The following AKAP13 variants were observed in gnomAD, a reference collection of about 807,000 sequenced individuals.
AKAP13 encodes the protein A-kinase anchor protein 13.
AKAP13 carries 80 observed loss-of-function variants against 264.5 expected under a neutral mutation model. The ratio of observed to expected loss-of-function variants is 0.30; its 90% CI spans 0.25 to 0.36. AKAP13 has a LOEUF of 0.36. Ranked by LOEUF, AKAP13 falls within the 10% of genes least tolerant of loss-of-function variation. The probability of loss-of-function intolerance (pLI) is 1.00; values close to 1 mark genes in which losing one functional copy is unlikely to be tolerated. For synonymous variants in AKAP13, 1,380 were observed against 1,250.2 expected (o/e 1.10, Z -2.19); for missense variants, 3,712 against 3,435.2 (o/e 1.08, Z -2.01).
chr15:85,442,482 AT>A (rs1567059553), intron 1 of AKAP13, among the ~76,000 whole-genome samples: 2 of 115,620 alleles, frequency 1.7e-5, no homozygotes, highest in East Asian at 2.2e-4. Context: ...ATATTATATA[AT>A]ATATATAATA....
At chr15:85,472,012 A>AT (rs2074978856) in intron 1 of AKAP13, among the ~76,000 whole-genome samples, 1 of 151,962 alleles carries the variant, frequency 6.6e-6, no homozygotes, top group African/African-American at 2.4e-5. Flanking sequence ...TTAGTTTTGT[A>AT]TTTTTTTAAG....
At chr15:85,467,470 C>T (rs2074788255) in intron 1 of AKAP13, among the ~76,000 whole-genome samples, 1 of 152,050 alleles carries the variant, frequency 6.6e-6, no homozygotes, top group African/African-American at 2.4e-5. Flanking sequence ...TGAACATACA[C>T]ACAGTTTTAT....
intron 16 of AKAP13, 95 bp downstream of exon 16, chr15:85,684,968 A>C: frequency 7.2e-7 from 1 of 1,382,842 alleles, no homozygotes; most frequent in Non-Finnish European, 9.7e-7. Flanking sequence ...TGGGGACATA[A>C]ATGGAAATAA....
intron 1 of AKAP13, among the ~76,000 whole-genome samples, chr15:85,480,463 T>C (rs1206020673): frequency 6.6e-6 from 1 of 152,232 alleles, no homozygotes; most frequent in Admixed American, 6.5e-5. Flanking sequence ...ATTATGCTCT[T>C]TCTGCACATA....
chr15:85,592,374 C>T (rs568751194), intron 8 of AKAP13, among the ~76,000 whole-genome samples: 6 of 152,302 alleles, frequency 3.9e-5, no homozygotes, highest in African/African-American at 1.4e-4. Flanking sequence ...ATGACAGCCT[C>T]TAGGCTATTT....
intron 7 of AKAP13, among the ~76,000 whole-genome samples, chr15:85,583,864 T>A (rs1181326314): frequency 6.6e-6 from 1 of 152,232 alleles, no homozygotes; most frequent in Non-Finnish European, 1.5e-5. Context: ...GTATGGACTT[T>A]CAGCAGTATA....
intron 5 of AKAP13, among the ~76,000 whole-genome samples, chr15:85,556,872 T>A (rs2078165494): frequency 6.6e-6 from 1 of 152,222 alleles, no homozygotes; most frequent in Non-Finnish European, 1.5e-5. Flanking sequence ...AGACATTTTC[T>A]ACCATAAGCA....
intron 1 of AKAP13, among the ~76,000 whole-genome samples, chr15:85,384,400 C>T (rs965793934): frequency 2.0e-5 from 3 of 152,108 alleles, no homozygotes; most frequent in African/African-American, 4.8e-5. Context: ...TGGGGAGAGA[C>T]GAGAAAGCTG....
chr15:85,533,975 G>A (rs1353308378), intron 4 of AKAP13, 95 bp downstream of exon 4: 3 of 1,310,398 alleles, frequency 2.3e-6, no homozygotes, highest in Admixed American at 2.9e-5. Flanking sequence ...TCATATTCAG[G>A]TCTTCCACAG....
chr15:85,469,946 C>T (rs571290856), intron 1 of AKAP13, among the ~76,000 whole-genome samples: 43 of 152,286 alleles, frequency 2.8e-4, no homozygotes, highest in African/African-American at 7.0e-4. Flanking sequence ...ATGGGAAAGG[C>T]AGCCTTCAAT....
intron 10 of AKAP13, among the ~76,000 whole-genome samples, chr15:85,647,248 A>G (rs2082600255): frequency 6.6e-6 from 1 of 152,146 alleles, no homozygotes; most frequent in Non-Finnish European, 1.5e-5. Context: ...ATACAAAAAA[A>G]TTAGCTGGGC....
chr15:85,619,336 G>C (rs2081075878), intron 8 of AKAP13: 1 of 982,250 alleles, frequency 1.0e-6, no homozygotes, highest in African/African-American at 1.8e-5. Context: ...GGAGGAGGAG[G>C]CTGGCTAGGG....
At chr15:85,473,149 C>A (rs2075022851) in intron 1 of AKAP13, among the ~76,000 whole-genome samples, 1 of 151,686 alleles carries the variant, frequency 6.6e-6, no homozygotes, top group South Asian at 2.1e-4. Context: ...CTGTTACAGT[C>A]AAAAAGTAAA....
intron 8 of AKAP13, chr15:85,619,940 C>G (rs981584435): frequency 6.9e-7 from 1 of 1,439,344 alleles, no homozygotes. Flanking sequence ...GTTTTTGACC[C>G]CTTTGAGAGT....
chr15:85,464,452 TAATC>T (rs143260273), intron 1 of AKAP13, among the ~76,000 whole-genome samples: 1,961 of 152,346 alleles, frequency 0.013, 49 homozygotes, highest in African/African-American at 0.045. Flanking sequence ...TTTTGAAACT[TAATC>T]TGTATGATAA....
At position 85,585,774 on chromosome 15, in the gene AKAP13, G is replaced by GATTTTA; in HGVS notation, c.4112_4113insATTTTA (p.Gly1371_Ser1372insPheTer). 6.2e-7 allele frequency: 1 copy of GATTTTA among 1,614,146 alleles called. No individual in the cohort carries two copies. The highest frequency in any genetic ancestry group is 8.5e-7 in the Non-Finnish European group (1 of 1,179,994). On this transcript the variant is annotated stop_gained and inframe_insertion, in exon 8 of 37. Transcript: ENST00000394518. LOFTEE classifies it high-confidence loss of function. ...TCAATTTCTGAAGAAGTGGCTGTAG[G>GATTTTA]GAGCATAGCTGCTACACTGAAGATG...
intron 5 of AKAP13, among the ~76,000 whole-genome samples, chr15:85,548,426 G>A (rs1467392547): frequency 6.6e-6 from 1 of 152,140 alleles, no homozygotes; most frequent in East Asian, 1.9e-4. Flanking sequence ...GAGAAAGATG[G>A]TAGTATAGTA....
rs2079131606 is a variant in AKAP13 at position 85,580,780 on chromosome 15, A to G, written c.2712A>G (p.Leu904=). The stretch of plus-strand genomic sequence containing the variant: ...GTGTGGGTAAGGCCACTTTGGCTTT[A>G]GATTCAGTTTTGACTGAAGAAGGAA... The part of the protein sequence containing the change: ...LQSVGKATLA[L]DSVLTEEGKL... The change falls in exon 7 of 37, where the codon TTA becomes TTG. Residue 904 remains leucine (L), a synonymous_variant. Transcript: ENST00000394518. 1.9e-6 allele frequency: 3 copies of G among 1,614,014 alleles called. No homozygotes were observed. Among genetic ancestry groups the G allele is most frequent in the Non-Finnish European group, 2.5e-6 (3 of 1,180,022 alleles).
intron 2 of AKAP13, among the ~76,000 whole-genome samples, chr15:85,502,405 T>A (rs772792361): frequency 5.9e-5 from 9 of 152,262 alleles, no homozygotes; most frequent in African/African-American, 2.2e-4. Flanking sequence ...TGTAATTTAA[T>A]CTTAAGCAGT....
Sources: gnomAD v4.1 joint callset for allele counts (sites outside exome capture counted in the v4.1 genomes callset) on GRCh38, gnomAD v4.1.1 for gene constraint, MANE v1.5 for transcripts, NCBI Gene and HGNC (gene_info 2026-07-23, HGNC 2026-07-21) for gene names.